The following DERPC variants were observed in gnomAD, a reference collection of about 807,000 sequenced individuals.
The protein encoded by DERPC is decreased expression in renal and prostate cancer protein.
A neutral mutation model predicts 7.2 loss-of-function variants in DERPC; 1 was observed. The ratio of observed to expected loss-of-function variants is 0.14; its 90% confidence interval spans 0.05 to 0.66. The LOEUF (loss-of-function observed/expected upper bound fraction) is 0.66. Ranked by LOEUF, DERPC falls within the 30% of genes least tolerant of loss-of-function variation. The probability of loss-of-function intolerance (pLI) is 0.84; values close to 1 mark genes in which losing one functional copy is unlikely to be tolerated. For missense variants in DERPC, 502 were observed against 299.4 expected (o/e 1.68, Z -4.99); for synonymous variants, 185 against 117.6 (o/e 1.57, Z -3.71).
chr16:69,125,084 A>G (rs1214309070), intron 1 of DERPC, among the ~76,000 whole-genome samples: 1 of 151,386 alleles, frequency 6.6e-6, no homozygotes, highest in Non-Finnish European at 1.5e-5. Flanking sequence ...TTGTATTTTT[A>G]ATAGAGACGG....
Position 69,119,267 on chromosome 16 carries a change from A to C in DERPC, c.1162T>G (p.Ser388Ala), listed in dbSNP as rs1394913569. 2.8e-6 allele frequency: 2 copies of C among 703,014 alleles called. No individual in the cohort carries two copies. Among genetic ancestry groups the C allele is most frequent in the Non-Finnish European group, 5.2e-6 (2 of 384,984 alleles). 43.5% of individuals were successfully genotyped at this position (703,014 alleles called of 1,614,324 possible). The part of the protein sequence containing the change: ...LASNPATFQR[S>A]AGLQGSNPTI... ...GGATTTGAGCCCTGGAGGCCAGCGG[A>C]CCTTTGGAAGGTAGCTGGGTTTGAT... The change falls in exon 3 of 3, where the codon TCC becomes GCC. Residue 388 changes from serine to alanine, a missense_variant. Physicochemically the swap from Ser to Ala is moderately conservative, Grantham distance 99 (BLOSUM62 1). Transcript: ENST00000519520.
At chr16:69,129,425 G>A (rs1406366257) in intron 1 of DERPC, among the ~76,000 whole-genome samples, 3 of 96,716 alleles carry the variant, frequency 3.1e-5, no homozygotes, top group African/African-American at 4.5e-5. Flanking sequence ...GCGAGACTCC[G>A]TCACAAAAAA....
chr16:69,128,673 C>T (rs1282756881), intron 1 of DERPC, among the ~76,000 whole-genome samples: 1 of 152,196 alleles, frequency 6.6e-6, no homozygotes, highest in Non-Finnish European at 1.5e-5. Context: ...GAACCCTACC[C>T]AAAACTAAAA....
chr16:69,124,573 GCCA>G (rs1961924688), intron 1 of DERPC, among the ~76,000 whole-genome samples: 1 of 151,852 alleles, frequency 6.6e-6, no homozygotes, highest in Admixed American at 6.6e-5. Flanking sequence ...ACAGGCGCCC[GCCA>G]CCACGCCAGG....
intron 1 of DERPC, among the ~76,000 whole-genome samples, chr16:69,122,623 C>T (rs1293944091): frequency 6.6e-6 from 1 of 151,762 alleles, no homozygotes; most frequent in Non-Finnish European, 1.5e-5. Flanking sequence ...TCACTGCAAC[C>T]TCTGCCTTCC....
At position 69,119,056 on chromosome 16, in the gene DERPC, C is replaced by T. The variant is rs1483180104; in HGVS notation, c.1373G>A (p.Gly458Asp). ...HLGPSPAGPV[G>D]INPAPFTRPT... ...CCTTGTGAAAGGAGCTGGGTTGATACCCACAGGGCCAGCTGGAGAAGGGCC... is the reference window on the plus strand; with the variant it reads ...CCTTGTGAAAGGAGCTGGGTTGATATCCACAGGGCCAGCTGGAGAAGGGCC... The change falls in exon 3 of 3, where the codon GGT becomes GAT. Residue 458 changes from glycine (G) to aspartate (D), a missense_variant. By Grantham distance (94) the Gly-to-Asp change is moderately conservative. Transcript: ENST00000519520. 1.4e-6 allele frequency: 1 copy of T among 702,952 alleles called. No individual in the cohort carries two copies. Among genetic ancestry groups the T allele is most frequent in the Non-Finnish European group, 2.6e-6 (1 of 385,028 alleles). The allele number at this position is 702,952 out of a possible 1,614,324, so 43.5% of individuals were successfully genotyped here. A position where few individuals can be genotyped will look rare whatever the true frequency, so the allele number is the denominator to read the frequency against.
At chr16:69,122,744 G>T (rs1401966658) in intron 1 of DERPC, among the ~76,000 whole-genome samples, 1 of 152,064 alleles carries the variant, frequency 6.6e-6, no homozygotes, top group Non-Finnish European at 1.5e-5. Context: ...GTTTCTTCAT[G>T]TTGGCCAGGC....
In DERPC at chr16:69,118,269, G is replaced by A. The variant is rs544474083; in HGVS notation, c.*585C>T. ...CACCTCTAAGTCCCAGGAGAAGGGA[G>A]CTGCAGGCCCAGTCAGTCAAGCAGA... On this transcript the variant is annotated 3_prime_UTR_variant, in exon 3 of 3. Transcript: ENST00000519520. The A allele has an allele frequency of 1.2e-4, 104 of 836,830 alleles. No homozygotes were observed. The East Asian group carries it at 2.4e-3, about 20-fold the overall frequency. 51.8% of individuals were successfully genotyped at this position (836,830 alleles called of 1,614,324 possible).
rs1466312200 is a variant in DERPC, at chr16:69,119,032, C to G, written c.1397G>C (p.Arg466Thr). The change falls in exon 3 of 3, where the codon AGG becomes ACG. Residue 466 changes from arginine to threonine, a missense_variant. Transcript: ENST00000519520. ...PVGINPAPFT[R>T]PTGTLGLNPA... ...GTTGAGACCCAGGGTCCCAGTTGGC[C>G]TTGTGAAAGGAGCTGGGTTGATACC... 1 of 703,056 alleles carries G rather than the reference C, an allele frequency of 1.4e-6. No individual in the cohort carries two copies. The highest frequency in any genetic ancestry group is 2.0e-5 in the Admixed American group (1 of 50,022). 43.6% of individuals were successfully genotyped at this position (703,056 alleles called of 1,614,324 possible).
Position 69,120,377 on chromosome 16 carries a change from C to G in DERPC, c.52G>C (p.Ala18Pro), listed in dbSNP as rs777496691. ...PRERPTPWTR[A>P]PLPPRGRLDG... is the part of the protein sequence containing the mutation. Reference sequence around the variant, plus strand: ...AGCCGTCCTCGAGGTGGCAGCGGAGCACGAGTCCAAGGAGTTGGCCGCTCT... The same window carrying G: ...AGCCGTCCTCGAGGTGGCAGCGGAGGACGAGTCCAAGGAGTTGGCCGCTCT... The change falls in exon 3 of 3, where the codon GCT (alanine) becomes CCT (proline). Residue 18 changes from alanine (A) to proline (P), a missense_variant. Transcript: ENST00000519520. This position sits in a 1 kb window ranked among gnomAD's most constrained non-coding sequence, Gnocchi z 4.0. 4 of 1,584,220 alleles carry G rather than the reference C, an allele frequency of 2.5e-6. No individual in the cohort carries two copies. The African/African-American group carries it at 5.4e-5, about 21-fold the overall frequency.
chr16:69,130,729 T>G lies in DERPC; in HGVS notation c.-280+1755A>C, dbSNP rs36121770. 9.2e-3 allele frequency among the ~76,000 whole-genome samples: 1,396 copies of G among 152,336 alleles called. 12 individuals carry two copies. Among genetic ancestry groups the G allele is most frequent in the Non-Finnish European group, 0.013 (898 of 68,028 alleles). ...AAGCTATCGATTTCCCAGAGAAAGGTGGCATTTTCTTAGTATTCATCAAAT... is the reference window on the plus strand; with the variant it reads ...AAGCTATCGATTTCCCAGAGAAAGGGGGCATTTTCTTAGTATTCATCAAAT... On this transcript the variant is annotated intron_variant, in intron 1 of 2. Coordinates refer to ENST00000519520, the MANE Select transcript of DERPC (RefSeq NM_001002847.4).
Position 69,118,133 on chromosome 16 carries a change from A to AAATC in DERPC, c.*720_*721insGATT. On this transcript the variant is annotated 3_prime_UTR_variant, in exon 3 of 3. Transcript: ENST00000519520. ...TTTCTTCCCTTCATCCCCCACCCCC[A>AAATC]CCCTAATTCCCATATTCCCATCCAC... is the stretch of plus-strand genomic sequence containing the variant. 6.8e-6 allele frequency: 1 copy of AAATC among 148,008 alleles called. No individual in the cohort carries two copies. Among genetic ancestry groups the AAATC allele is most frequent in the Admixed American group, 8.9e-5 (1 of 11,198 alleles). The allele number at this position is 148,008 out of a possible 1,614,324, so 9.2% of individuals were successfully genotyped here. A position where few individuals can be genotyped will look rare whatever the true frequency, so the allele number is the denominator to read the frequency against.
In DERPC at chr16:69,119,196, A is replaced by G. The variant is rs564539751; in HGVS notation, c.1233T>C (p.Ala411=). The G allele has an allele frequency of 2.6e-5, 18 of 703,058 alleles. No homozygotes were observed. In the Admixed American group the frequency reaches 3.2e-4, roughly 12 times the overall value. 43.6% of individuals were successfully genotyped at this position (703,058 alleles called of 1,614,324 possible). A position where few individuals can be genotyped will look rare whatever the true frequency, so the allele number is the denominator to read the frequency against. The change falls in exon 3 of 3, where the codon GCT becomes GCC. Residue 411 remains alanine (A), a synonymous_variant. Coordinates refer to ENST00000519520, the MANE Select transcript of DERPC (RefSeq NM_001002847.4). The part of the protein sequence containing the change: ...RASGPLGPNP[A]NFPRATGLQG... The stretch of plus-strand genomic sequence containing the variant: ...GCAGGCCAGTGGCCCTTGGGAAGTT[A>G]GCTGGGTTGGGGCCAAGTGGCCCAG...
At position 69,120,301 on chromosome 16, in the gene DERPC, G is replaced by A. The variant is rs566285520; in HGVS notation, c.128C>T (p.Pro43Leu). ...QGGPVLNTGH[P>L]LGVNSDPFLM... Reference sequence around the variant, plus strand: ...GAAGGGATCCGAGTTCACACCCAGTGGGTGGCCTGTGTTCAGAACAGGACC... The same window carrying A: ...GAAGGGATCCGAGTTCACACCCAGTAGGTGGCCTGTGTTCAGAACAGGACC... Residue 43 changes from proline to leucine, a missense_variant, in exon 3 of 3, where the codon CCA becomes CTA. Coordinates refer to ENST00000519520, the MANE Select transcript of DERPC (RefSeq NM_001002847.4). The surrounding 1 kb of genome is among the most constrained non-coding windows in gnomAD (Gnocchi z 4.0). The A allele has an allele frequency of 9.5e-5, 84 of 880,640 alleles. 1 individual carries two copies. In the South Asian group the frequency reaches 1.1e-3, roughly 12 times the overall value. The allele number at this position is 880,640 out of a possible 1,614,324, so 54.6% of individuals were successfully genotyped here.
At position 69,120,356 on chromosome 16, in the gene DERPC, G is replaced by A. The variant is rs1333876342; in HGVS notation, c.73C>T (p.Arg25Trp). The change falls in exon 3 of 3, where the codon CGG becomes TGG. Residue 25 changes from arginine (R) to tryptophan (W), a missense_variant. Transcript: ENST00000519520. The surrounding 1 kb of genome is among the most constrained non-coding windows in gnomAD (Gnocchi z 4.0). ...TGTGGTCCCAGGGAACCGTCGAGCC[G>A]TCCTCGAGGTGGCAGCGGAGCACGA... is the stretch of plus-strand genomic sequence containing the variant. ...WTRAPLPPRG[R>W]LDGSLGPQGG... 2.0e-6 allele frequency: 3 copies of A among 1,501,992 alleles called. No homozygotes were observed. The highest frequency in any genetic ancestry group is 2.3e-5 in the East Asian group (1 of 44,326). 93.0% of individuals were successfully genotyped at this position (1,501,992 alleles called of 1,614,324 possible).
At chr16:69,130,629 A>C (rs1361227717) in intron 1 of DERPC, among the ~76,000 whole-genome samples, 1 of 152,212 alleles carries the variant, frequency 6.6e-6, no homozygotes, top group African/African-American at 2.4e-5. Flanking sequence ...CCTATTTTGA[A>C]AGGCTGTTGC....
At chr16:69,122,948 G>C (rs1715800246) in intron 1 of DERPC, among the ~76,000 whole-genome samples, 1 of 152,172 alleles carries the variant, frequency 6.6e-6, no homozygotes, top group African/African-American at 2.4e-5. Flanking sequence ...CAAAGTGCTG[G>C]GATTACAGGC....
In DERPC at chr16:69,118,888, G is replaced by A; in HGVS notation, c.1541C>T (p.Ala514Val). The A allele has an allele frequency of 1.4e-6, 1 of 703,066 alleles. No homozygotes were observed. The allele number at this position is 703,066 out of a possible 1,614,324, so 43.6% of individuals were successfully genotyped here. ...CAACATTCCATTTGGGTACATTGCA[G>A]CCATTGGACCCCCTGGTCTGGGGAA... ...AAFPRPGGPM[A>V]AMYPNGMLPP The change falls in exon 3 of 3, where the codon GCT becomes GTT. Residue 514 changes from alanine (A) to valine (V), a missense_variant. Coordinates refer to ENST00000519520, the MANE Select transcript of DERPC (RefSeq NM_001002847.4).
At chr16:69,128,101 G>T (rs1375637467) in intron 1 of DERPC, among the ~76,000 whole-genome samples, 17 of 151,786 alleles carry the variant, frequency 1.1e-4, no homozygotes, top group Admixed American at 1.1e-3. Context: ...TTTTAGTAGA[G>T]ATGGGGTTTC....
Sources: allele counts gnomAD v4.1 joint callset (sites outside exome capture counted in the v4.1 genomes callset), GRCh38; gene constraint gnomAD v4.1.1; non-coding constraint Gnocchi (gnomAD v3.1); transcripts MANE v1.5; gene names NCBI Gene and HGNC (gene_info 2026-07-23, HGNC 2026-07-21).